Variants in SGCG observed in about 807,000 individuals in gnomAD.
The protein encoded by SGCG is sarcoglycan gamma, also known as gamma-sarcoglycan.
Under a neutral mutation model 29.3 loss-of-function variants are expected in SGCG, and 26 were observed. The observed-to-expected ratio is 0.89, with a 90% CI of 0.65 to 1.23. The LOEUF is 1.23. Ranked by LOEUF, SGCG falls within the 50% of genes most tolerant of loss-of-function variation. The pLI, the probability that SGCG is intolerant of heterozygous loss-of-function variation, is 0.00. For synonymous variants in SGCG, 145 were observed against 129.7 expected, an observed-to-expected ratio of 1.12 and a Z score of -0.80; for missense variants, 353 against 356.0, an observed-to-expected ratio of 0.99 and a Z score of 0.07.
At chr13:23,207,346 G>C (rs1252016697) in intron 2 of SGCG, among the ~76,000 whole-genome samples, 2 of 152,080 alleles carry the variant, frequency 1.3e-5, no homozygotes, top group Non-Finnish European at 1.5e-5. Flanking sequence ...TAAACATAAG[G>C]CCTAAAACTG....
intron 1 of SGCG, among the ~76,000 whole-genome samples, chr13:23,193,441 G>A (rs1877359860): frequency 6.6e-6 from 1 of 152,196 alleles, no homozygotes; most frequent in Admixed American, 6.5e-5. Context: ...TGGAGCAGGG[G>A]CAGTGCAGAT....
intron 6 of SGCG, among the ~76,000 whole-genome samples, chr13:23,308,476 C>T (rs1400078698): frequency 1.3e-5 from 2 of 152,172 alleles, no homozygotes; most frequent in Admixed American, 6.5e-5. Flanking sequence ...TCCCTAATAG[C>T]TGTACAATGC....
chr13:23,195,413 T>A (rs1245822490), intron 1 of SGCG, among the ~76,000 whole-genome samples: 3 of 152,184 alleles, frequency 2.0e-5, no homozygotes, highest in Non-Finnish European at 4.4e-5. Flanking sequence ...TTTTATAAGC[T>A]AACATTTGTA....
In SGCG at chr13:23,324,765, A is replaced by G. The variant is rs1883174073; in HGVS notation, c.*224A>G. On this transcript the variant is annotated 3_prime_UTR_variant, in exon 8 of 8. Transcript: ENST00000218867. ...CAAAAGTTGACAAAATGGAAAAGCA[A>G]TGTGTTTTTCCACTGGATTAATTTT... 5.4e-6 allele frequency: 3 copies of G among 556,792 alleles called. No individual in the cohort carries two copies. The African/African-American group carries it at 5.7e-5, about 11-fold the overall frequency. The allele number at this position is 556,792 out of a possible 1,614,324, so 34.5% of individuals were successfully genotyped here.
chr13:23,308,659 G>T (rs921898712), intron 6 of SGCG, among the ~76,000 whole-genome samples: 2 of 152,084 alleles, frequency 1.3e-5, no homozygotes, highest in Non-Finnish European at 2.9e-5. Flanking sequence ...CCACCTCCTG[G>T]GTTTAAGTGA....
At chr13:23,321,762 T>A (rs1463534054) in intron 7 of SGCG, among the ~76,000 whole-genome samples, 2 of 152,120 alleles carry the variant, frequency 1.3e-5, no homozygotes, top group African/African-American at 2.4e-5. Context: ...TGACAGCAGA[T>A]AACTAAAATC....
chr13:23,275,627 G>T (rs1881043364), intron 4 of SGCG, among the ~76,000 whole-genome samples: 1 of 152,006 alleles, frequency 6.6e-6, no homozygotes. Flanking sequence ...AACTAGCTTT[G>T]TCTGCTCAGG....
chr13:23,193,379 A>C (rs1306887112), intron 1 of SGCG, among the ~76,000 whole-genome samples: 1 of 152,116 alleles, frequency 6.6e-6, no homozygotes, highest in Non-Finnish European at 1.5e-5. Context: ...GGATTAAGAG[A>C]GGCAGAGTGG....
rs531396688 is a variant in SGCG at position 23,236,447 on chromosome 13, G to A, written c.297+1735G>A. Among the ~76,000 whole-genome samples, 61 of 152,262 alleles carry A rather than the reference G, an allele frequency of 4.0e-4. No homozygotes were observed. In the South Asian group the frequency reaches 0.012, roughly 31 times the overall value. On this transcript the variant is annotated intron_variant, in intron 3 of 7. Transcript: ENST00000218867. The stretch of plus-strand genomic sequence containing the variant: ...AATCCCAGCACTTTGGGAGGCCGAG[G>A]CGGGCAGATCACAAGGTCAGGAGAT...
At chr13:23,322,674 TACA>T (rs1358809097) in intron 7 of SGCG, among the ~76,000 whole-genome samples, 1 of 151,202 alleles carries the variant, frequency 6.6e-6, no homozygotes, top group Non-Finnish European at 1.5e-5. Context: ...ACGCTGTTAG[TACA>T]ACAAGAAGGC....
chr13:23,218,560 TA>T (rs1248143155), intron 2 of SGCG, among the ~76,000 whole-genome samples: 1 of 152,196 alleles, frequency 6.6e-6, no homozygotes, highest in African/African-American at 2.4e-5. Context: ...TTCATAAACT[TA>T]AAAAATAAAA....
At chr13:23,180,018 C>T (rs1217740426), upstream of SGCG, among the ~76,000 whole-genome samples, 3 of 152,056 alleles carry the variant, frequency 2.0e-5, no homozygotes, top group Non-Finnish European at 4.4e-5. Context: ...TTCCGAACCC[C>T]ACCTTTCTCC....
intron 2 of SGCG, among the ~76,000 whole-genome samples, chr13:23,222,502 A>G (rs1013786132): frequency 1.5e-4 from 11 of 73,038 alleles, no homozygotes; most frequent in African/African-American, 4.6e-4. Context: ...TTTTTTTACA[A>G]AAATGTTCTT....
intron 6 of SGCG, among the ~76,000 whole-genome samples, chr13:23,311,519 A>C (rs1000367396): frequency 6.6e-6 from 1 of 152,210 alleles, no homozygotes; most frequent in African/African-American, 2.4e-5. Context: ...TGATAAAGTC[A>C]CTTTTCTTCA....
chr13:23,211,584 C>T (rs570828173), intron 2 of SGCG, among the ~76,000 whole-genome samples: 3 of 152,110 alleles, frequency 2.0e-5, no homozygotes, highest in South Asian at 2.1e-4. Context: ...ATTGGGAAGA[C>T]GAAATGCCTT....
chr13:23,280,102 C>T (rs1287359995), intron 5 of SGCG, among the ~76,000 whole-genome samples: 1 of 152,110 alleles, frequency 6.6e-6, no homozygotes, highest in Non-Finnish European at 1.5e-5. Context: ...GTTCAAGTAC[C>T]TGTTTCCCAA....
Position 23,277,917 on chromosome 13 carries a change from C to G in SGCG, c.386-1442C>G, listed in dbSNP as rs1462772154. Among the ~76,000 whole-genome samples, 7 of 152,088 alleles carry G rather than the reference C, an allele frequency of 4.6e-5. No individual in the cohort carries two copies. The East Asian group carries it at 1.2e-3, about 26-fold the overall frequency. On this transcript the variant is annotated intron_variant, in intron 4 of 7. Transcript: ENST00000218867. ...GTTTCACCGTGTTAGCCAGGATGGT[C>G]TCGATCTCCTGACCTCATGATCCGC...
upstream of SGCG, among the ~76,000 whole-genome samples, chr13:23,176,918 T>A (rs1403429770): frequency 6.6e-6 from 1 of 152,178 alleles, no homozygotes; most frequent in East Asian, 1.9e-4. Context: ...AACATCTGCA[T>A]CCCCATGTTT....
At chr13:23,212,230 G>C (rs1878251481) in intron 2 of SGCG, among the ~76,000 whole-genome samples, 1 of 152,100 alleles carries the variant, frequency 6.6e-6, no homozygotes, top group Non-Finnish European at 1.5e-5. Context: ...CCAGTCTTTG[G>C]CATTTCGTTG....
Sources: allele counts gnomAD v4.1 joint callset (sites outside exome capture counted in the v4.1 genomes callset), GRCh38; gene constraint gnomAD v4.1.1; transcripts MANE v1.5; gene names NCBI Gene and HGNC (gene_info 2026-07-23, HGNC 2026-07-21).